The following CPEB1 variants were observed in gnomAD, a reference collection of about 807,000 sequenced individuals.
CPEB1 encodes cytoplasmic polyadenylation element binding protein 1, also known as cytoplasmic polyadenylation element-binding protein 1.
Under a neutral mutation model 65.8 loss-of-function variants are expected in CPEB1, and 7 were observed. That is an observed-to-expected ratio of 0.11 (90% CI 0.06 to 0.20). The LOEUF (loss-of-function observed/expected upper bound fraction) is 0.20. CPEB1 is among the 10% of genes least tolerant of loss of function. The pLI is 1.00. For synonymous variants in CPEB1, 262 were observed against 260.0 expected, an observed-to-expected ratio of 1.01 and a Z score of -0.08; for missense variants, 551 against 712.2, an observed-to-expected ratio of 0.77 and a Z score of 2.58.
At chr15:82,567,547 G>A (rs1210530915) in intron 4 of CPEB1, among the ~76,000 whole-genome samples, 1 of 151,860 alleles carries the variant, frequency 6.6e-6, no homozygotes, top group Non-Finnish European at 1.5e-5. Flanking sequence ...TGAGGCAGAG[G>A]ATTGCTTGAA....
At chr15:82,601,976 T>C (rs1054333622) in intron 3 of CPEB1, among the ~76,000 whole-genome samples, 2 of 152,136 alleles carry the variant, frequency 1.3e-5, no homozygotes, top group East Asian at 1.9e-4. Flanking sequence ...AAAAAGAATA[T>C]AGAAAATCTG....
At position 82,556,031 on chromosome 15, in the gene CPEB1, A is replaced by G. The variant is rs201992482; in HGVS notation, c.779T>C (p.Met260Thr). 34 of 1,613,474 alleles carry G rather than the reference A, an allele frequency of 2.1e-5. No individual in the cohort carries two copies. The African/African-American group carries it at 4.3e-4, about 20-fold the overall frequency. The change falls in exon 6 of 13, where the codon ATG (methionine) becomes ACG (threonine). Residue 260 changes from methionine (M) to threonine (T), a missense_variant. This residue lies in a region of CPEB1 where 128 missense variants were observed against 129.1 expected (regional missense o/e 0.99). Coordinates refer to ENST00000684509, the MANE Select transcript of CPEB1 (RefSeq NM_001365242.1). Reference protein sequence around the residue: ...DPLKMGVGSRMDQEQAALAAV... With the variant: ...DPLKMGVGSRTDQEQAALAAV... Reference sequence around the variant, plus strand: ...AGCAAGAGCAGCTTGCTCTTGGTCCATCCGAGACCCTACCCCCATCTTTAA... The same window carrying G: ...AGCAAGAGCAGCTTGCTCTTGGTCCGTCCGAGACCCTACCCCCATCTTTAA...
intron 3 of CPEB1, among the ~76,000 whole-genome samples, chr15:82,579,204 GT>G (rs559557601): frequency 8.9e-4 from 135 of 152,262 alleles, no homozygotes; most frequent in African/African-American, 3.2e-3. Flanking sequence ...GCTCACATCT[GT>G]AATCCCAACA....
chr15:82,629,144 C>T (rs777019934), intron 1 of CPEB1: 1 of 399,692 alleles, frequency 2.5e-6, no homozygotes, highest in Non-Finnish European at 3.4e-6. Context: ...TTCATTCTGC[C>T]ATTTATTGGC....
chr15:82,638,350 G>C (rs904938884), intron 1 of CPEB1, among the ~76,000 whole-genome samples: 1 of 152,110 alleles, frequency 6.6e-6, no homozygotes, highest in Admixed American at 6.6e-5. Context: ...ACAAATATTG[G>C]CTTGAATTAT....
At chr15:82,628,185 T>G in intron 2 of CPEB1, 179 bp downstream of exon 2, 1 of 701,192 alleles carries the variant, frequency 1.4e-6, no homozygotes, top group East Asian at 2.7e-5. Flanking sequence ...AAAGCCATCA[T>G]GCCCAAAATA....
At chr15:82,588,208 A>G (rs550622810) in intron 3 of CPEB1, among the ~76,000 whole-genome samples, 57 of 152,084 alleles carry the variant, frequency 3.7e-4, no homozygotes, top group African/African-American at 1.3e-3. Flanking sequence ...TTGGCCTCCC[A>G]AAGTGTGGGA....
intron 4 of CPEB1, among the ~76,000 whole-genome samples, chr15:82,562,625 A>C (rs1465383717): frequency 7.2e-5 from 11 of 152,180 alleles, no homozygotes; most frequent in Admixed American, 7.2e-4. Context: ...GGACTGCTTG[A>C]GACCAGGAGT....
intron 9 of CPEB1, among the ~76,000 whole-genome samples, chr15:82,551,657 C>T (rs1168275797): frequency 6.6e-6 from 1 of 152,136 alleles, no homozygotes; most frequent in Non-Finnish European, 1.5e-5. Context: ...AACAAAGTTT[C>T]AGAGATATTA....
intron 3 of CPEB1, among the ~76,000 whole-genome samples, chr15:82,614,848 A>C (rs991748040): frequency 6.9e-6 from 1 of 143,900 alleles, no homozygotes; most frequent in Non-Finnish European, 1.5e-5. Flanking sequence ...TTAAAATATA[A>C]GTGTGTGTGT....
At chr15:82,637,196 G>A (rs2046731788) in intron 1 of CPEB1, among the ~76,000 whole-genome samples, 1 of 152,190 alleles carries the variant, frequency 6.6e-6, no homozygotes, top group African/African-American at 2.4e-5. Context: ...ATGTGAGAAT[G>A]ACAGAGTCTC....
chr15:82,581,978 A>AT (rs2041324587), intron 3 of CPEB1, among the ~76,000 whole-genome samples: 1 of 152,226 alleles, frequency 6.6e-6, no homozygotes, highest in South Asian at 2.1e-4. Context: ...TTTCCTTGAG[A>AT]TTTTTCTAAC....
chr15:82,599,865 G>A (rs1418193137), intron 3 of CPEB1, among the ~76,000 whole-genome samples: 8 of 152,122 alleles, frequency 5.3e-5, no homozygotes, highest in Admixed American at 2.6e-4. Context: ...TAGGGGAAAA[G>A]CAGTGAACTA....
chr15:82,588,331 T>A (rs1447406631), intron 3 of CPEB1, among the ~76,000 whole-genome samples: 1 of 152,166 alleles, frequency 6.6e-6, no homozygotes. Context: ...AAGGAGGATA[T>A]GAAGAATTAT....
At chr15:82,578,468 T>C (rs1188112501) in intron 3 of CPEB1, among the ~76,000 whole-genome samples, 1 of 152,092 alleles carries the variant, frequency 6.6e-6, no homozygotes, top group East Asian at 1.9e-4. Context: ...TATACAGTGT[T>C]GAAAATTCCA....
chr15:82,616,142 G>A (rs1272094482), intron 3 of CPEB1, among the ~76,000 whole-genome samples: 1 of 151,936 alleles, frequency 6.6e-6, no homozygotes, highest in Non-Finnish European at 1.5e-5. Context: ...TAAAACATAT[G>A]ACAATCAGGA....
intron 3 of CPEB1, among the ~76,000 whole-genome samples, chr15:82,602,179 T>C (rs559897184): frequency 2.6e-5 from 4 of 152,214 alleles, no homozygotes; most frequent in Non-Finnish European, 5.9e-5. Context: ...CATAGTGGAA[T>C]TAAGATAAAA....
chr15:82,613,959 G>C (rs965876263), intron 3 of CPEB1, among the ~76,000 whole-genome samples: 2 of 150,604 alleles, frequency 1.3e-5, no homozygotes, highest in Non-Finnish European at 3.0e-5. Flanking sequence ...CAGCCTCGCT[G>C]CTTCTGAGTC....
intron 1 of CPEB1, chr15:82,629,400 A>G (rs2046048660): frequency 1.0e-6 from 1 of 985,064 alleles, no homozygotes. Flanking sequence ...AACTTTATTA[A>G]CTGGCATGAG....
Sources: allele counts gnomAD v4.1 joint callset (sites outside exome capture counted in the v4.1 genomes callset), GRCh38; gene constraint gnomAD v4.1.1; regional missense constraint gnomAD v4.1.1; transcripts MANE v1.5; gene names NCBI Gene and HGNC (gene_info 2026-07-23, HGNC 2026-07-21).